Variants in RABGAP1L observed in about 807,000 individuals in gnomAD.
RABGAP1L encodes RAB GTPase activating protein 1 like, also known as rab GTPase-activating protein 1-like.
In RABGAP1L, 63 loss-of-function variants were observed where a neutral mutation model predicts 137.7. The ratio of observed to expected loss-of-function variants is 0.46; its 90% CI spans 0.37 to 0.56. The LOEUF is 0.56. Among genes scored for constraint, RABGAP1L ranks in the 20% least tolerant of loss-of-function variants. The pLI, the probability that RABGAP1L is intolerant of heterozygous loss-of-function variation, is 0.00. For missense variants in RABGAP1L, 1,095 were observed against 1,244.0 expected, an observed-to-expected ratio of 0.88 and a Z score of 1.80; for synonymous variants, 431 against 433.7, an observed-to-expected ratio of 0.99 and a Z score of 0.08.
intron 13 of RABGAP1L, among the ~76,000 whole-genome samples, chr1:174,555,381 G>A (rs914994548): frequency 1.3e-5 from 2 of 152,142 alleles, no homozygotes; most frequent in Non-Finnish European, 1.5e-5. Flanking sequence ...TATGGCAAAA[G>A]CCCTTGCAAT....
intron 19 of RABGAP1L, among the ~76,000 whole-genome samples, chr1:174,825,092 G>C (rs765209792): frequency 1.3e-5 from 2 of 152,170 alleles, no homozygotes; most frequent in African/African-American, 4.8e-5. Context: ...CTTTCATCTA[G>C]AACATCTACC....
At chr1:174,732,079 G>A (rs1168839459) in intron 17 of RABGAP1L, among the ~76,000 whole-genome samples, 1 of 152,088 alleles carries the variant, frequency 6.6e-6, no homozygotes, top group Admixed American at 6.5e-5. Flanking sequence ...GCGCGTGCCT[G>A]TAGTCCCAGC....
intron 7 of RABGAP1L, among the ~76,000 whole-genome samples, chr1:174,265,743 C>A (rs1362090579): frequency 6.6e-6 from 1 of 151,170 alleles, no homozygotes; most frequent in Admixed American, 6.6e-5. Flanking sequence ...ATTCTTCTTT[C>A]TGTATGTTAT....
intron 1 of RABGAP1L, among the ~76,000 whole-genome samples, chr1:174,163,730 C>A (rs1313157383): frequency 6.6e-6 from 1 of 151,684 alleles, no homozygotes; most frequent in Non-Finnish European, 1.5e-5. Context: ...AAAATTCTCA[C>A]CCAGTTTAGT....
chr1:174,661,728 G>A (rs553444814), intron 14 of RABGAP1L, among the ~76,000 whole-genome samples: 3 of 152,148 alleles, frequency 2.0e-5, no homozygotes, highest in Admixed American at 2.0e-4. Flanking sequence ...ATCCTGTAAC[G>A]ACATTTCAGT....
At chr1:174,928,900 T>C (rs1663257461) in intron 19 of RABGAP1L, among the ~76,000 whole-genome samples, 1 of 152,106 alleles carries the variant, frequency 6.6e-6, no homozygotes, top group Non-Finnish European at 1.5e-5. Flanking sequence ...CAAACAAATA[T>C]AGCAGTGATT....
At chr1:174,911,503 T>C (rs1264734774) in intron 19 of RABGAP1L, among the ~76,000 whole-genome samples, 1 of 152,234 alleles carries the variant, frequency 6.6e-6, no homozygotes, top group Non-Finnish European at 1.5e-5. Flanking sequence ...CTAAAACTTA[T>C]AAAATCTGAG....
intron 14 of RABGAP1L, among the ~76,000 whole-genome samples, chr1:174,679,671 T>C (rs1159063779): frequency 6.6e-6 from 1 of 152,190 alleles, no homozygotes; most frequent in Admixed American, 6.5e-5. Context: ...GTTATGCATG[T>C]AGAAAATCCT....
At chr1:174,246,113 GGAAAATATT>G (rs1465921752) in intron 5 of RABGAP1L, 1 of 152,052 alleles carries the variant, frequency 6.6e-6, no homozygotes, top group East Asian at 1.9e-4. Context: ...TTGAGAATTT[GGAAAATATT>G]GAAATAAAAA....
At chr1:174,269,238 C>CA (rs1188832300) in intron 7 of RABGAP1L, among the ~76,000 whole-genome samples, 33 of 152,396 alleles carry the variant, frequency 2.2e-4, no homozygotes, top group African/African-American at 7.7e-4. Context: ...GCCACTGCGC[C>CA]ACCGCGCCCG....
At chr1:174,456,091 CT>C (rs1311827960) in intron 13 of RABGAP1L, among the ~76,000 whole-genome samples, 1 of 151,864 alleles carries the variant, frequency 6.6e-6, no homozygotes, top group Non-Finnish European at 1.5e-5. Flanking sequence ...GAATTTTTTT[CT>C]TTTAATTTGT....
intron 13 of RABGAP1L, among the ~76,000 whole-genome samples, chr1:174,464,314 G>T (rs1165071635): frequency 7.0e-6 from 1 of 143,522 alleles, no homozygotes; most frequent in Non-Finnish European, 1.5e-5. Context: ...TTAATTAATT[G>T]TTCTCTTTAA....
At chr1:174,393,782 A>G (rs1406405079) in intron 12 of RABGAP1L, among the ~76,000 whole-genome samples, 1 of 152,204 alleles carries the variant, frequency 6.6e-6, no homozygotes, top group Non-Finnish European at 1.5e-5. Context: ...TCCTGGAGGT[A>G]GAATTACCTG....
intron 13 of RABGAP1L, among the ~76,000 whole-genome samples, chr1:174,550,341 T>G (rs1666329560): frequency 6.6e-6 from 1 of 152,182 alleles, no homozygotes; most frequent in Non-Finnish European, 1.5e-5. Context: ...AGAAATCACT[T>G]TTGATCAGTA....
At chr1:174,949,345 G>A (rs1667380986) in intron 19 of RABGAP1L, among the ~76,000 whole-genome samples, 1 of 152,234 alleles carries the variant, frequency 6.6e-6, no homozygotes, top group Non-Finnish European at 1.5e-5. Context: ...GGAATTTATG[G>A]CACTAGTTCT....
At position 174,342,661 on chromosome 1, in the gene RABGAP1L, GATAAA is replaced by G. The variant is rs138641559; in HGVS notation, c.1466-28311_1466-28307del. Among the ~76,000 whole-genome samples, 271 of 150,608 alleles carry G rather than the reference GATAAA, an allele frequency of 1.8e-3. 2 individuals carry two copies. Among genetic ancestry groups the G allele is most frequent in the African/African-American group, 6.3e-3 (258 of 41,068 alleles). ...ATCAACATCAGTGTGCAGATGGGTA[GATAAA>G]ATAAAAATTTAAATCAACAGATGTA... On this transcript the variant is annotated intron_variant, in intron 11 of 25. Transcript: ENST00000681986.
At chr1:174,824,425 G>A (rs778096716) in intron 19 of RABGAP1L, among the ~76,000 whole-genome samples, 2 of 152,096 alleles carry the variant, frequency 1.3e-5, no homozygotes, top group Non-Finnish European at 2.9e-5. Context: ...AACCCAGGAG[G>A]GGGAGGTTTC....
chr1:174,417,315 T>G (rs1403118275), intron 13 of RABGAP1L, among the ~76,000 whole-genome samples: 1 of 152,200 alleles, frequency 6.6e-6, no homozygotes, highest in Non-Finnish European at 1.5e-5. Context: ...GTATTTCAAA[T>G]CAGTTATAGT....
At chr1:174,408,572 A>G (rs1263025642) in intron 13 of RABGAP1L, among the ~76,000 whole-genome samples, 1 of 152,202 alleles carries the variant, frequency 6.6e-6, no homozygotes, top group Non-Finnish European at 1.5e-5. Flanking sequence ...TCTTTTGGAT[A>G]TATACCCAAT....
Sources: allele counts gnomAD v4.1 joint callset (sites outside exome capture counted in the v4.1 genomes callset), GRCh38; gene constraint gnomAD v4.1.1; transcripts MANE v1.5; gene names NCBI Gene and HGNC (gene_info 2026-07-23, HGNC 2026-07-21).